MYO9B: variants seen among roughly 807,000 people sequenced by gnomAD.
MYO9B encodes the protein myosin IXB.
MYO9B carries 71 observed loss-of-function variants against 229.5 expected under a neutral mutation model. That is an observed-to-expected ratio of 0.31 (90% confidence interval 0.26 to 0.38). The LOEUF (loss-of-function observed/expected upper bound fraction) is 0.38, where lower values mean the gene tolerates loss of function less well. Among genes scored for constraint, MYO9B ranks in the 10% least tolerant of loss-of-function variants. The pLI is 1.00. For missense variants in MYO9B, 2,255 were observed against 2,920.5 expected (o/e 0.77, Z 5.25); for synonymous variants, 1,185 against 1,235.8 (o/e 0.96, Z 0.86).
Position 17,193,179 on chromosome 19 carries a change from A to C in MYO9B, c.3128+117A>C. 1.7e-6 allele frequency: 2 copies of C among 1,186,994 alleles called. No homozygotes were observed. The highest frequency in any genetic ancestry group is 2.2e-6 in the Non-Finnish European group (2 of 891,926). 73.5% of individuals were successfully genotyped at this position (1,186,994 alleles called of 1,614,324 possible). On this transcript the variant is annotated intron_variant, in intron 21 of 39. Coordinates refer to ENST00000682292, the MANE Select transcript of MYO9B (RefSeq NM_004145.4). This position sits in a 1 kb window ranked among gnomAD's most constrained non-coding sequence, Gnocchi z 4.3. ...TGGCACTAAGGGGATGTCATTCTGG[A>C]CACAGGGAAAGGCTGGTGGGAAACC...
At chr19:17,182,922 G>T (rs1015608988) in intron 15 of MYO9B, among the ~76,000 whole-genome samples, 83 of 152,076 alleles carry the variant, frequency 5.5e-4, no homozygotes, top group African/African-American at 1.9e-3. Context: ...AGCAGCTTTG[G>T]GTTTTGGGGG....
chr19:17,148,835 C>T (rs989926914), intron 3 of MYO9B, among the ~76,000 whole-genome samples: 7 of 151,588 alleles, frequency 4.6e-5, no homozygotes, highest in African/African-American at 7.3e-5. Flanking sequence ...CCGCCTGCCT[C>T]GGCCTCCCCA....
chr19:17,120,058 G>A (rs1440276092), intron 2 of MYO9B, among the ~76,000 whole-genome samples: 2 of 152,226 alleles, frequency 1.3e-5, no homozygotes, highest in Non-Finnish European at 2.9e-5. Flanking sequence ...CAGCTACTCA[G>A]GAGGCTGAGG....
Position 17,157,053 on chromosome 19 carries a change from C to T in MYO9B, c.1329+15C>T. On this transcript the variant is annotated intron_variant, in intron 7 of 39. Transcript: ENST00000682292. ...AGCTTCTGAAGGTACTGATTGCCAC[C>T]TCTGTCCCTTCTCAGGCCTGGCTCA... 1 of 1,611,046 alleles carries T rather than the reference C, an allele frequency of 6.2e-7. No individual in the cohort carries two copies. Among genetic ancestry groups the T allele is most frequent in the East Asian group, 2.2e-5 (1 of 44,862 alleles).
At position 17,190,207 on chromosome 19, in the gene MYO9B, G is replaced by A. The variant is rs184202537; in HGVS notation, c.2689-890G>A. On this transcript the variant is annotated intron_variant, in intron 19 of 39. Transcript: ENST00000682292. ...TCTTTGGTTTTTTGTGTGTGTGATG[G>A]GGGTGGTGCAGAGCCTTGCTCTGTC... is the stretch of plus-strand genomic sequence containing the variant. 3.4e-3 allele frequency among the ~76,000 whole-genome samples: 513 copies of A among 152,046 alleles called. 1 individual carries two copies. The highest frequency in any genetic ancestry group is 6.8e-3 in the Middle Eastern group (2 of 294).
In MYO9B at chr19:17,212,618, C is replaced by A; in HGVS notation, c.*308C>A. 1 of 380,928 alleles carries A rather than the reference C, an allele frequency of 2.6e-6. No homozygotes were observed. The highest frequency in any genetic ancestry group is 4.7e-6 in the Non-Finnish European group (1 of 213,194). 23.6% of individuals were successfully genotyped at this position (380,928 alleles called of 1,614,324 possible). On this transcript the variant is annotated 3_prime_UTR_variant, in exon 40 of 40. Coordinates refer to ENST00000682292, the MANE Select transcript of MYO9B (RefSeq NM_004145.4). The surrounding 1 kb of genome is among the most constrained non-coding windows in gnomAD (Gnocchi z 5.4). ...TAACTGTTTCTTTGTACGTGGTTTA[C>A]GTAACTTTAAACTGTAACAGCCTTA...
chr19:17,142,177 AAAG>A (rs908587901), intron 2 of MYO9B, among the ~76,000 whole-genome samples: 5 of 151,352 alleles, frequency 3.3e-5, no homozygotes, highest in African/African-American at 9.7e-5. Context: ...AAAAAAAAAA[AAAG>A]AAAGAAAAAA....
chr19:17,195,007 A>G lies in MYO9B; in HGVS notation c.3580A>G (p.Lys1194Glu). 1.2e-6 allele frequency: 2 copies of G among 1,613,208 alleles called. No homozygotes were observed. Among genetic ancestry groups the G allele is most frequent in the Non-Finnish European group, 1.7e-6 (2 of 1,179,882 alleles). The change falls in exon 22 of 40, where the codon AAA becomes GAA. Residue 1194 changes from lysine to glutamate, a missense_variant. Around this residue, in one of 7 missense-constraint regions of MYO9B, gnomAD observed 679 missense variants for 770.2 expected, o/e 0.88. Coordinates refer to ENST00000682292, the MANE Select transcript of MYO9B (RefSeq NM_004145.4). The surrounding 1 kb of genome is among the most constrained non-coding windows in gnomAD (Gnocchi z 4.5). ...QEQGVSLLED[K>E]KESREDETLL... Reference sequence around the variant, plus strand: ...GCAAGGGGTGAGTCTCCTGGAAGACAAAAAGGAGAGCAGAGAAGATGAAAC... The same window carrying G: ...GCAAGGGGTGAGTCTCCTGGAAGACGAAAAGGAGAGCAGAGAAGATGAAAC...
intron 2 of MYO9B, 56 bp from the exon 3 acceptor site, chr19:17,145,341 A>G: frequency 6.8e-7 from 1 of 1,477,628 alleles, no homozygotes; most frequent in Non-Finnish European, 9.4e-7. Flanking sequence ...AGAGGAAAAA[A>G]AAGAAAAAGA....
intron 1 of MYO9B, among the ~76,000 whole-genome samples, chr19:17,094,301 C>T (rs548334992): frequency 1.0e-3 from 156 of 152,270 alleles, no homozygotes; most frequent in Middle Eastern, 3.4e-3. Context: ...TCTCAAAGTA[C>T]TGGAATTACA....
Position 17,175,527 on chromosome 19 carries a change from C to T in MYO9B, c.2141-136C>T, listed in dbSNP as rs547511718. The T allele has an allele frequency of 6.4e-5, 37 of 580,812 alleles. 1 individual carries two copies. The South Asian group carries it at 8.9e-4, about 14-fold the overall frequency. 36.0% of individuals were successfully genotyped at this position (580,812 alleles called of 1,614,324 possible). A position where few individuals can be genotyped will look rare whatever the true frequency, so the allele number is the denominator to read the frequency against. On this transcript the variant is annotated intron_variant, in intron 13 of 39. Transcript: ENST00000682292. The stretch of plus-strand genomic sequence containing the variant: ...TCAGGAGGCAGAAGTTGCAGTGGGC[C>T]GAGATCGCGCCACTGTGCTCCAGCC...
chr19:17,210,250 G>GTACC, intron 36 of MYO9B, 83 bp from the exon 37 acceptor site: 1 of 1,387,254 alleles, frequency 7.2e-7, no homozygotes, highest in Non-Finnish European at 9.7e-7. Context: ...CCCTATCTTG[G>GTACC]TACCGGTCAT....
chr19:17,107,266 T>G (rs955276418), intron 2 of MYO9B, among the ~76,000 whole-genome samples: 2 of 151,978 alleles, frequency 1.3e-5, no homozygotes, highest in Non-Finnish European at 2.9e-5. Context: ...AGTAGGTGAA[T>G]GAATGAGAGG....
intron 2 of MYO9B, among the ~76,000 whole-genome samples, chr19:17,115,394 C>T (rs2057891912): frequency 6.6e-6 from 1 of 151,558 alleles, no homozygotes; most frequent in African/African-American, 2.4e-5. Flanking sequence ...ATTTTTTTTC[C>T]TTTGTCTACC....
At chr19:17,202,977 C>A in intron 29 of MYO9B, 94 bp downstream of exon 29, 1 of 1,473,580 alleles carries the variant, frequency 6.8e-7, no homozygotes, top group South Asian at 1.2e-5. Flanking sequence ...ATGGGCCCGT[C>A]TGCACGCGTA....
chr19:17,188,101 C>T (rs146445635), intron 19 of MYO9B, 56 bp downstream of exon 19: 1 of 1,446,006 alleles, frequency 6.9e-7, no homozygotes, highest in Admixed American at 2.0e-5. Context: ...AGGCAATCAC[C>T]CTCTTCCAAA....
At chr19:17,136,433 A>T (rs2072270456) in intron 2 of MYO9B, among the ~76,000 whole-genome samples, 2 of 152,162 alleles carry the variant, frequency 1.3e-5, no homozygotes, top group Admixed American at 6.5e-5. Flanking sequence ...GGGACCCCTC[A>T]GCACCTAGAA....
In MYO9B at chr19:17,194,758, CT is replaced by C; in HGVS notation, c.3332del (p.Leu1111GlnfsTer78). 1 of 1,613,172 alleles carries C rather than the reference CT, an allele frequency of 6.2e-7. No individual in the cohort carries two copies. The highest frequency in any genetic ancestry group is 8.5e-7 in the Non-Finnish European group (1 of 1,179,848). ...GGTGCAGCCAAGTGACAGGTCCCCC[CT>C]AGAGCACTCCTCACCTGAGAAGGAG... ...PEVQPSDRSP[L>X]EHSSPEKEAP... On this transcript the variant is annotated frameshift_variant, in exon 22 of 40. Transcript: ENST00000682292. LOFTEE classifies it high-confidence loss of function.
Position 17,153,995 on chromosome 19 carries a change from C to A in MYO9B, c.1027C>A (p.Leu343Ile). 3 of 1,613,812 alleles carry A rather than the reference C, an allele frequency of 1.9e-6. No homozygotes were observed. The East Asian group carries it at 6.7e-5, about 36-fold the overall frequency. The change falls in exon 5 of 40, where the codon CTT (leucine) becomes ATT (isoleucine). Residue 343 changes from leucine to isoleucine, a missense_variant. Coordinates refer to ENST00000682292, the MANE Select transcript of MYO9B (RefSeq NM_004145.4). ...CTACCATGTGTTTTATTATTTGTTACTTGGGGTCAGCGAGGAAGAGCGCCA... is the reference window on the plus strand; with the variant it reads ...CTACCATGTGTTTTATTATTTGTTAATTGGGGTCAGCGAGGAAGAGCGCCA... Reference protein sequence around the residue: ...RNYHVFYYLLLGVSEEERQEF... With the variant: ...RNYHVFYYLLIGVSEEERQEF...
Sources: allele counts gnomAD v4.1 joint callset (sites outside exome capture counted in the v4.1 genomes callset), GRCh38; gene constraint gnomAD v4.1.1; regional missense constraint gnomAD v4.1.1; non-coding constraint Gnocchi (gnomAD v3.1); transcripts MANE v1.5; gene names NCBI Gene and HGNC (gene_info 2026-07-23, HGNC 2026-07-21).